The following ADGRL3 variants were observed in gnomAD, a reference collection of about 807,000 sequenced individuals.
ADGRL3 encodes the protein adhesion G protein-coupled receptor L3, also known as calcium-independent alpha-latrotoxin receptor 3.
A neutral mutation model predicts 153.5 loss-of-function variants in ADGRL3; 62 were observed. The observed-to-expected ratio is 0.40, with a 90% CI of 0.33 to 0.50. ADGRL3 has a LOEUF of 0.50. Among genes scored for constraint, ADGRL3 ranks in the 20% least tolerant of loss-of-function variants. ADGRL3 has a pLI of 0.47. For synonymous variants in ADGRL3, 710 were observed against 672.5 expected (o/e 1.06, Z -0.86); for missense variants, 1,641 against 1,859.4 (o/e 0.88, Z 2.16).
chr4:62,039,649 G>A (rs1189364200), intron 24 of ADGRL3, among the ~76,000 whole-genome samples: 1 of 152,156 alleles, frequency 6.6e-6, no homozygotes, highest in Non-Finnish European at 1.5e-5. Flanking sequence ...TTGCCAAACA[G>A]AGATCTGAAT....
At chr4:61,584,458 C>A (rs549554010) in intron 4 of ADGRL3, among the ~76,000 whole-genome samples, 3 of 152,052 alleles carry the variant, frequency 2.0e-5, no homozygotes, top group African/African-American at 7.2e-5. Flanking sequence ...ACAGTGAAGA[C>A]CCAGATTACA....
At chr4:61,846,738 G>A (rs1331071747) in intron 9 of ADGRL3, among the ~76,000 whole-genome samples, 1 of 151,866 alleles carries the variant, frequency 6.6e-6, no homozygotes, top group Non-Finnish European at 1.5e-5. Context: ...GCTGGCATCT[G>A]CTTGGCTTCT....
intron 25 of ADGRL3, among the ~76,000 whole-genome samples, chr4:62,062,008 T>C (rs1740465400): frequency 6.6e-6 from 1 of 152,016 alleles, no homozygotes. Flanking sequence ...GTCATAGTAA[T>C]TGCACAAGTA....
intron 1 of ADGRL3, among the ~76,000 whole-genome samples, chr4:61,319,657 A>C (rs1047831228): frequency 1.3e-5 from 2 of 152,178 alleles, no homozygotes; most frequent in Non-Finnish European, 2.9e-5. Context: ...CTCAAATTTG[A>C]TTGTACGTCA....
intron 1 of ADGRL3, among the ~76,000 whole-genome samples, chr4:61,330,779 C>T (rs571014018): frequency 2.0e-5 from 3 of 152,200 alleles, no homozygotes; most frequent in East Asian, 1.9e-4. Flanking sequence ...GCTTTTATTC[C>T]CTTATTTGTC....
intron 4 of ADGRL3, among the ~76,000 whole-genome samples, chr4:61,527,255 C>A (rs563253664): frequency 1.7e-4 from 26 of 152,040 alleles, no homozygotes; most frequent in African/African-American, 5.1e-4. Context: ...TTAAAAATTT[C>A]ATTTCATTTA....
chr4:61,714,195 TGAA>T (rs1454934391), intron 6 of ADGRL3, among the ~76,000 whole-genome samples: 4 of 138,782 alleles, frequency 2.9e-5, no homozygotes, highest in African/African-American at 1.0e-4. Context: ...TGTTGGAGAA[TGAA>T]GAAAAGCTGC....
intron 11 of ADGRL3, among the ~76,000 whole-genome samples, chr4:61,902,445 C>G (rs994737796): frequency 6.6e-6 from 1 of 152,294 alleles, no homozygotes; most frequent in South Asian, 2.1e-4. Flanking sequence ...CCTGAACCCT[C>G]TAATCCTTTC....
intron 8 of ADGRL3, among the ~76,000 whole-genome samples, chr4:61,791,726 A>G (rs1463583663): frequency 6.6e-6 from 1 of 152,168 alleles, no homozygotes; most frequent in Admixed American, 6.5e-5. Context: ...GCATCCAGAC[A>G]TTTCTATACA....
intron 17 of ADGRL3, among the ~76,000 whole-genome samples, chr4:61,966,616 A>C (rs1581670633): frequency 6.6e-6 from 1 of 151,112 alleles, no homozygotes; most frequent in Admixed American, 6.6e-5. Flanking sequence ...GAATGAAAAC[A>C]AACAGGAGAA....
chr4:61,342,757 A>G (rs1490671757), intron 1 of ADGRL3, among the ~76,000 whole-genome samples: 1 of 152,128 alleles, frequency 6.6e-6, no homozygotes, highest in Non-Finnish European at 1.5e-5. Flanking sequence ...AGTGACTTCA[A>G]ACAGCCATAA....
intron 6 of ADGRL3, among the ~76,000 whole-genome samples, chr4:61,711,490 A>ATATATATATATATATATG (rs2095988785): frequency 8.7e-6 from 1 of 115,384 alleles, no homozygotes; most frequent in African/African-American, 3.1e-5. Flanking sequence ...ATATATATAT[A>ATATATATATATATATATG]TACACACACA....
chr4:61,288,227 T>C (rs2094020908), intron 1 of ADGRL3, among the ~76,000 whole-genome samples: 1 of 151,980 alleles, frequency 6.6e-6, no homozygotes, highest in Non-Finnish European at 1.5e-5. Context: ...TTCCACTAAA[T>C]AGATACTTCT....
intron 5 of ADGRL3, among the ~76,000 whole-genome samples, chr4:61,667,422 G>A (rs1270121345): frequency 6.6e-6 from 1 of 151,904 alleles, no homozygotes; most frequent in East Asian, 1.9e-4. Context: ...CTTGTAATAC[G>A]GTAGGGAATT....
chr4:61,931,549 C>T (rs995688857), intron 13 of ADGRL3, among the ~76,000 whole-genome samples: 5 of 152,238 alleles, frequency 3.3e-5, no homozygotes, highest in African/African-American at 9.6e-5. Context: ...AGGTACAATT[C>T]GGGGATGTGG....
chr4:61,372,589 C>G (rs978801874), intron 1 of ADGRL3, among the ~76,000 whole-genome samples: 17 of 152,336 alleles, frequency 1.1e-4, no homozygotes, highest in African/African-American at 4.1e-4. Context: ...TGCCCGTTCT[C>G]AGATCTCCAG....
intron 25 of ADGRL3, among the ~76,000 whole-genome samples, chr4:62,049,577 T>C (rs1733025076): frequency 2.6e-5 from 4 of 152,174 alleles, no homozygotes; most frequent in Admixed American, 2.6e-4. Flanking sequence ...ATGTAATTGG[T>C]AAAATTGCGA....
intron 2 of ADGRL3, among the ~76,000 whole-genome samples, chr4:61,395,514 T>G (rs1283755788): frequency 6.6e-6 from 1 of 151,906 alleles, no homozygotes; most frequent in Non-Finnish European, 1.5e-5. Context: ...TCTATTAACT[T>G]TGCTTTACTG....
chr4:61,591,901 C>T (rs1451788641), intron 5 of ADGRL3, among the ~76,000 whole-genome samples: 1 of 151,532 alleles, frequency 6.6e-6, no homozygotes, highest in Non-Finnish European at 1.5e-5. Context: ...TTTTATGAAA[C>T]ATCCATCTCT....
Sources: gnomAD v4.1 joint callset for allele counts (sites outside exome capture counted in the v4.1 genomes callset) on GRCh38, gnomAD v4.1.1 for gene constraint, MANE v1.5 for transcripts, NCBI Gene and HGNC (gene_info 2026-07-23, HGNC 2026-07-21) for gene names.